The following PLXDC2 variants were observed in gnomAD, a reference collection of about 807,000 sequenced individuals.
PLXDC2 encodes plexin domain-containing protein 2.
Under a neutral mutation model 68.9 loss-of-function variants are expected in PLXDC2, and 40 were observed. That is an observed-to-expected ratio of 0.58 (90% CI 0.45 to 0.76). The LOEUF (loss-of-function observed/expected upper bound fraction) is 0.76, where lower values mean the gene tolerates loss of function less well. Among genes scored for constraint, PLXDC2 ranks in the 30% least tolerant of loss-of-function variants. The pLI, the probability that PLXDC2 is intolerant of heterozygous loss-of-function variation, is 0.00. For missense variants in PLXDC2, 644 were observed against 661.9 expected, an observed-to-expected ratio of 0.97 and a Z score of 0.30; for synonymous variants, 243 against 234.2, an observed-to-expected ratio of 1.04 and a Z score of -0.34.
At chr10:20,143,177 T>A in intron 4 of PLXDC2, 118 bp from the exon 5 acceptor site, 3 of 1,079,738 alleles carry the variant, frequency 2.8e-6, no homozygotes, top group East Asian at 2.6e-5. Flanking sequence ...TTCCTTTTTT[T>A]CCAGCTACCA....
intron 7 of PLXDC2, among the ~76,000 whole-genome samples, chr10:20,171,900 G>A (rs773473525): frequency 6.6e-6 from 1 of 152,010 alleles, no homozygotes; most frequent in East Asian, 1.9e-4. Flanking sequence ...ACTTGAGCCC[G>A]CCAGTTCCAG....
At chr10:19,950,132 T>C (rs1833968126) in intron 1 of PLXDC2, among the ~76,000 whole-genome samples, 1 of 152,162 alleles carries the variant, frequency 6.6e-6, no homozygotes, top group African/African-American at 2.4e-5. Context: ...CTCTCTGCAC[T>C]CATATTCAAG....
chr10:19,919,158 C>G (rs781150512), intron 1 of PLXDC2, among the ~76,000 whole-genome samples: 1 of 152,156 alleles, frequency 6.6e-6, no homozygotes, highest in Non-Finnish European at 1.5e-5. Flanking sequence ...CTGTAAATAG[C>G]GTCTGATTAT....
intron 13 of PLXDC2, among the ~76,000 whole-genome samples, chr10:20,263,521 C>T (rs995781634): frequency 6.6e-6 from 1 of 152,164 alleles, no homozygotes; most frequent in African/African-American, 2.4e-5. Flanking sequence ...TCTAATTTAA[C>T]TTAAGAGCTT....
intron 1 of PLXDC2, among the ~76,000 whole-genome samples, chr10:19,921,350 G>T (rs1833459071): frequency 6.6e-6 from 1 of 152,050 alleles, no homozygotes; most frequent in African/African-American, 2.4e-5. Context: ...AAGCATAGAG[G>T]ATATATGATT....
chr10:20,096,287 A>G (rs951070250), intron 4 of PLXDC2, among the ~76,000 whole-genome samples: 1 of 152,176 alleles, frequency 6.6e-6, no homozygotes, highest in Non-Finnish European at 1.5e-5. Flanking sequence ...CACTTTTTAA[A>G]TCAGGGCTAG....
At chr10:20,243,254 T>C (rs954774394) in intron 12 of PLXDC2, among the ~76,000 whole-genome samples, 1 of 152,208 alleles carries the variant, frequency 6.6e-6, no homozygotes, top group Non-Finnish European at 1.5e-5. Flanking sequence ...GCTCATTTTT[T>C]AATTATCCTG....
chr10:19,945,643 G>T (rs925304984), intron 1 of PLXDC2, among the ~76,000 whole-genome samples: 3 of 152,074 alleles, frequency 2.0e-5, no homozygotes, highest in Non-Finnish European at 4.4e-5. Context: ...TTGTCTGTGG[G>T]CTCATCAGAT....
intron 2 of PLXDC2, 64 bp downstream of exon 2, chr10:20,002,050 T>C: frequency 6.7e-7 from 1 of 1,481,792 alleles, no homozygotes; most frequent in Non-Finnish European, 9.2e-7. Context: ...GTGCCCAACT[T>C]TTATATAGAC....
intron 1 of PLXDC2, among the ~76,000 whole-genome samples, chr10:19,920,718 T>G (rs11011677): frequency 0.026 from 4,027 of 152,082 alleles, 174 homozygotes; most frequent in African/African-American, 0.091. Flanking sequence ...CCATCACACC[T>G]AGATAATTTT....
chr10:20,215,508 G>A (rs66658646), intron 10 of PLXDC2, among the ~76,000 whole-genome samples: 76,376 of 151,550 alleles, frequency 0.5, 20,047 homozygotes, highest in Non-Finnish European at 0.59. Flanking sequence ...TTGCAAACTG[G>A]AATTTGGGTT....
intron 2 of PLXDC2, 104 bp downstream of exon 2, chr10:20,002,090 A>C (rs957210): frequency 0.29 from 332,099 of 1,164,722 alleles, 50,782 homozygotes; most frequent in Non-Finnish European, 0.32. Flanking sequence ...CAATCTAGAA[A>C]TTTTGGATTT....
chr10:20,083,727 G>A (rs1351588380), intron 4 of PLXDC2, among the ~76,000 whole-genome samples: 1 of 152,100 alleles, frequency 6.6e-6, no homozygotes, highest in Non-Finnish European at 1.5e-5. Flanking sequence ...ATAAATTGCT[G>A]ATAAAATTGC....
At chr10:19,879,281 T>A (rs1837686573) in intron 1 of PLXDC2, among the ~76,000 whole-genome samples, 1 of 152,182 alleles carries the variant, frequency 6.6e-6, no homozygotes, top group African/African-American at 2.4e-5. Context: ...CTGGTTAGAT[T>A]TGATGATTTA....
At chr10:20,011,988 C>T (rs192194203) in intron 2 of PLXDC2, among the ~76,000 whole-genome samples, 4 of 152,232 alleles carry the variant, frequency 2.6e-5, no homozygotes, top group Non-Finnish European at 4.4e-5. Context: ...TAAACAGTGA[C>T]GTTCTGTAAT....
chr10:20,195,426 C>T (rs148538417), intron 9 of PLXDC2, among the ~76,000 whole-genome samples: 2 of 152,216 alleles, frequency 1.3e-5, no homozygotes, highest in Admixed American at 6.5e-5. Flanking sequence ...AAGCAACGAG[C>T]GGGTGCAGTG....
intron 9 of PLXDC2, among the ~76,000 whole-genome samples, chr10:20,185,123 A>G (rs1834663972): frequency 6.8e-6 from 1 of 146,620 alleles, no homozygotes; most frequent in Non-Finnish European, 1.5e-5. Flanking sequence ...TAGGCAACAA[A>G]CCTGCACATT....
chr10:20,185,335 A>G (rs1343505602), intron 9 of PLXDC2, among the ~76,000 whole-genome samples: 4 of 151,884 alleles, frequency 2.6e-5, no homozygotes. Context: ...AGAATGTCAT[A>G]CCAAGGGAAT....
intron 4 of PLXDC2, among the ~76,000 whole-genome samples, chr10:20,122,625 A>C (rs966053981): frequency 6.6e-6 from 1 of 152,326 alleles, no homozygotes; most frequent in South Asian, 2.1e-4. Context: ...ACTTGTAGCA[A>C]GCTCCTGGGG....
Sources: allele counts gnomAD v4.1 joint callset (sites outside exome capture counted in the v4.1 genomes callset), GRCh38; gene constraint gnomAD v4.1.1; transcripts MANE v1.5; gene names NCBI Gene and HGNC (gene_info 2026-07-23, HGNC 2026-07-21).